DPP10: variants seen among roughly 807,000 people sequenced by gnomAD.
DPP10 encodes the protein dipeptidyl peptidase like 10.
Under a neutral mutation model 120.9 loss-of-function variants are expected in DPP10, and 33 were observed. The ratio of observed to expected loss-of-function variants is 0.27; its 90% confidence interval spans 0.21 to 0.37. DPP10 has a LOEUF of 0.37. Ranked by LOEUF, DPP10 falls within the 10% of genes least tolerant of loss-of-function variation. DPP10 has a pLI of 1.00. For missense variants in DPP10, 816 were observed against 942.8 expected (o/e 0.87, Z 1.76); for synonymous variants, 337 against 326.1 (o/e 1.03, Z -0.36).
intron 5 of DPP10, among the ~76,000 whole-genome samples, chr2:115,672,781 T>G (rs1209411049): frequency 6.6e-6 from 1 of 151,066 alleles, no homozygotes; most frequent in Non-Finnish European, 1.5e-5. Context: ...AAGTCTCACT[T>G]TGTCACCCAG....
chr2:114,726,766 A>G (rs72955694), intron 1 of DPP10, among the ~76,000 whole-genome samples: 2,612 of 152,280 alleles, frequency 0.017, 97 homozygotes, highest in African/African-American at 0.06. Context: ...CTGTAGTTTG[A>G]ATTGTGCAGG....
chr2:115,051,785 T>C (rs1403938735), intron 1 of DPP10, among the ~76,000 whole-genome samples: 2 of 152,140 alleles, frequency 1.3e-5, no homozygotes, highest in African/African-American at 4.8e-5. Context: ...TTAGGAATTA[T>C]GTATTGTACA....
At chr2:115,013,008 A>C (rs552959487) in intron 1 of DPP10, among the ~76,000 whole-genome samples, 1 of 152,318 alleles carries the variant, frequency 6.6e-6, no homozygotes, top group Non-Finnish European at 1.5e-5. Flanking sequence ...TAAGGTTAAT[A>C]CTGTTAAGTG....
chr2:115,777,487 G>A (rs1325481661), intron 14 of DPP10, among the ~76,000 whole-genome samples, 188 bp downstream of exon 14: 1 of 151,802 alleles, frequency 6.6e-6, no homozygotes, highest in Non-Finnish European at 1.5e-5. Flanking sequence ...ATGTGTGTGT[G>A]CACACGCACA....
At chr2:115,003,951 A>T (rs1509736) in intron 1 of DPP10, among the ~76,000 whole-genome samples, 1 of 152,214 alleles carries the variant, frequency 6.6e-6, no homozygotes, top group Non-Finnish European at 1.5e-5. Context: ...TTATGTAAGC[A>T]TATGTAACTA....
chr2:115,039,195 CAG>C (rs1034095579), intron 1 of DPP10, among the ~76,000 whole-genome samples: 2 of 151,982 alleles, frequency 1.3e-5, no homozygotes, highest in South Asian at 2.1e-4. Context: ...AGTTTTGAGA[CAG>C]GGGAGAAATT....
chr2:115,597,851 T>C (rs1299008563), intron 5 of DPP10, among the ~76,000 whole-genome samples: 1 of 151,976 alleles, frequency 6.6e-6, no homozygotes, highest in Non-Finnish European at 1.5e-5. Context: ...AACTCTTCTG[T>C]CAATGGTTGA....
intron 1 of DPP10, among the ~76,000 whole-genome samples, chr2:115,109,077 C>T (rs896515938): frequency 2.6e-5 from 4 of 151,972 alleles, no homozygotes; most frequent in Non-Finnish European, 4.4e-5. Context: ...AGGGATTTGG[C>T]GTGTGTGTGT....
At chr2:114,727,676 A>G (rs1009086239) in intron 1 of DPP10, among the ~76,000 whole-genome samples, 3 of 152,186 alleles carry the variant, frequency 2.0e-5, no homozygotes, top group African/African-American at 7.2e-5. Flanking sequence ...ATGGCTGCAC[A>G]AATTCAACCA....
chr2:115,126,254 G>A (rs2050077146), intron 1 of DPP10, among the ~76,000 whole-genome samples: 1 of 151,946 alleles, frequency 6.6e-6, no homozygotes, highest in Non-Finnish European at 1.5e-5. Context: ...AAGTAGCTGG[G>A]ACTACTGGCT....
intron 1 of DPP10, among the ~76,000 whole-genome samples, chr2:114,734,245 C>A (rs1018519758): frequency 1.3e-5 from 2 of 152,122 alleles, no homozygotes; most frequent in Admixed American, 1.3e-4. Flanking sequence ...AGATAATCAA[C>A]TAAGAGTCAG....
intron 1 of DPP10, among the ~76,000 whole-genome samples, chr2:115,180,806 C>T (rs1423030091): frequency 2.0e-5 from 3 of 152,148 alleles, no homozygotes; most frequent in Non-Finnish European, 4.4e-5. Flanking sequence ...GTCCTTTCTG[C>T]TTATTTATCT....
At chr2:115,692,616 C>T (rs1179085669) in intron 7 of DPP10, among the ~76,000 whole-genome samples, 4 of 151,916 alleles carry the variant, frequency 2.6e-5, no homozygotes, top group African/African-American at 4.8e-5. Context: ...GTTCTTTTAA[C>T]GTAGTTTAGA....
At chr2:114,447,861 G>T (rs1361684652) in intron 1 of DPP10, among the ~76,000 whole-genome samples, 1 of 152,162 alleles carries the variant, frequency 6.6e-6, no homozygotes, top group East Asian at 1.9e-4. Flanking sequence ...TATTTTATGT[G>T]TGTGAGAGAA....
chr2:115,608,937 A>G, intron 5 of DPP10, among the ~76,000 whole-genome samples: 1 of 152,302 alleles, frequency 6.6e-6, no homozygotes, highest in Middle Eastern at 3.4e-3. Context: ...GGAGAAATAT[A>G]AAACAAATAA....
chr2:114,752,107 C>T (rs1304819916), intron 1 of DPP10, among the ~76,000 whole-genome samples: 1 of 152,034 alleles, frequency 6.6e-6, no homozygotes, highest in Non-Finnish European at 1.5e-5. Context: ...TACTTAGTTC[C>T]CAAATGATGC....
chr2:114,918,156 T>A (rs1157385279), intron 1 of DPP10, among the ~76,000 whole-genome samples: 1 of 152,118 alleles, frequency 6.6e-6, no homozygotes. Context: ...AATAGACACT[T>A]CCCAAAAGAC....
intron 1 of DPP10, among the ~76,000 whole-genome samples, chr2:115,031,917 C>T (rs535936574): frequency 7.4e-4 from 113 of 152,130 alleles, no homozygotes; most frequent in African/African-American, 2.3e-3. Context: ...TAATATACTA[C>T]GACAATAATA....
chr2:115,538,952 G>A (rs1223728904), intron 5 of DPP10, among the ~76,000 whole-genome samples: 3 of 151,848 alleles, frequency 2.0e-5, no homozygotes, highest in Non-Finnish European at 4.4e-5. Flanking sequence ...GATATACTGG[G>A]TTAAATAAAA....
Sources: gnomAD v4.1 joint callset for allele counts (sites outside exome capture counted in the v4.1 genomes callset) on GRCh38, gnomAD v4.1.1 for gene constraint, MANE v1.5 for transcripts, NCBI Gene and HGNC (gene_info 2026-07-23, HGNC 2026-07-21) for gene names.